The following GFRA1 variants were observed in gnomAD, a reference collection of about 807,000 sequenced individuals.
The protein encoded by GFRA1 is GDNF family receptor alpha 1.
Under a neutral mutation model 51.6 loss-of-function variants are expected in GFRA1, and 16 were observed. That is an observed-to-expected ratio of 0.31 (90% CI 0.21 to 0.47). The LOEUF is 0.47. Among genes scored for constraint, GFRA1 ranks in the 20% least tolerant of loss-of-function variants. The probability of loss-of-function intolerance (pLI) is 1.00; values close to 1 mark genes in which losing one functional copy is unlikely to be tolerated. For synonymous variants in GFRA1, 270 were observed against 241.3 expected (o/e 1.12, Z -1.10); for missense variants, 530 against 594.3 (o/e 0.89, Z 1.13).
intron 6 of GFRA1, among the ~76,000 whole-genome samples, chr10:116,115,875 A>G (rs1957392831): frequency 1.3e-5 from 2 of 152,100 alleles, no homozygotes; most frequent in African/African-American, 4.8e-5. Context: ...TGGTGGACAG[A>G]GCAGAAGGGT....
intron 9 of GFRA1, among the ~76,000 whole-genome samples, 193 bp from the exon 10 acceptor site, chr10:116,065,819 T>C (rs1955081543): frequency 2.6e-5 from 4 of 152,292 alleles, no homozygotes; most frequent in Admixed American, 2.6e-4. Flanking sequence ...TTTAATAATA[T>C]ATATTATTTA....
chr10:116,154,853 A>C (rs1011691790), intron 5 of GFRA1, among the ~76,000 whole-genome samples: 8 of 152,152 alleles, frequency 5.3e-5, no homozygotes, highest in African/African-American at 1.4e-4. Flanking sequence ...TGAGCCTTCC[A>C]GCTTTGAGGT....
At chr10:116,074,801 C>T (rs1955545755) in intron 9 of GFRA1, among the ~76,000 whole-genome samples, 1 of 152,206 alleles carries the variant, frequency 6.6e-6, no homozygotes, top group Non-Finnish European at 1.5e-5. Flanking sequence ...TTTGCTTCCA[C>T]ATAAGGGAGT....
intron 5 of GFRA1, among the ~76,000 whole-genome samples, chr10:116,137,207 T>C (rs1183255795): frequency 2.0e-5 from 3 of 152,152 alleles, no homozygotes; most frequent in African/African-American, 7.2e-5. Context: ...GGCCTCGGTA[T>C]GCATAGAGAG....
At chr10:116,090,893 T>C (rs1956306073) in intron 8 of GFRA1, among the ~76,000 whole-genome samples, 1 of 152,192 alleles carries the variant, frequency 6.6e-6, no homozygotes, top group African/African-American at 2.4e-5. Context: ...TGTTCTAAAA[T>C]TGTTATCCTT....
chr10:116,159,978 C>T (rs1432689519), intron 5 of GFRA1, among the ~76,000 whole-genome samples: 1 of 152,204 alleles, frequency 6.6e-6, no homozygotes, highest in Non-Finnish European at 1.5e-5. Context: ...TTTACCAAAA[C>T]AAAATCACGT....
At chr10:116,078,444 G>T (rs1467444919) in intron 9 of GFRA1, among the ~76,000 whole-genome samples, 1 of 152,150 alleles carries the variant, frequency 6.6e-6, no homozygotes, top group Non-Finnish European at 1.5e-5. Context: ...GCTGGGAGAA[G>T]CAGGTTCACC....
intron 5 of GFRA1, among the ~76,000 whole-genome samples, chr10:116,198,888 C>T (rs573269373): frequency 5.3e-5 from 8 of 152,268 alleles, no homozygotes; most frequent in Admixed American, 4.6e-4. Context: ...AGTTAAAATG[C>T]GGTCACGATG....
At chr10:116,126,310 C>T (rs1957873274) in intron 5 of GFRA1, among the ~76,000 whole-genome samples, 1 of 152,238 alleles carries the variant, frequency 6.6e-6, no homozygotes, top group Non-Finnish European at 1.5e-5. Context: ...AGAGCATATG[C>T]TGCCTTCTGC....
chr10:116,143,674 CT>C lies in GFRA1; in HGVS notation c.434-18118del, dbSNP rs1257633953. 4.1e-3 allele frequency among the ~76,000 whole-genome samples: 621 copies of C among 152,242 alleles called. 4 individuals are homozygous for C. Among genetic ancestry groups the C allele is most frequent in the Non-Finnish European group, 6.5e-3 (442 of 68,030 alleles). On this transcript the variant is annotated intron_variant, in intron 5 of 10. Coordinates refer to ENST00000355422, the MANE Select transcript of GFRA1 (RefSeq NM_005264.8). ...TCATTCATTCTCTCTCTCTCTCTCTCTCTCTCCCATGCAATGAACATGGCGA... is the reference window on the plus strand; with the variant it reads ...TCATTCATTCTCTCTCTCTCTCTCTCCTCTCCCATGCAATGAACATGGCGA...
chr10:116,094,333 A>G (rs1254708609), intron 7 of GFRA1, among the ~76,000 whole-genome samples: 1 of 152,158 alleles, frequency 6.6e-6, no homozygotes, highest in Admixed American at 6.5e-5. Flanking sequence ...GTGTATATAC[A>G]TATATATGGG....
chr10:116,072,682 A>C (rs553992418), intron 9 of GFRA1, among the ~76,000 whole-genome samples: 1 of 152,072 alleles, frequency 6.6e-6, no homozygotes, highest in East Asian at 1.9e-4. Context: ...AATTGCTTGA[A>C]CCCGGGAGGG....
chr10:116,166,779 T>C (rs1565622812), intron 5 of GFRA1, among the ~76,000 whole-genome samples: 1 of 114,536 alleles, frequency 8.7e-6, no homozygotes, highest in Non-Finnish European at 1.7e-5. Flanking sequence ...GCAACAATCT[T>C]CTTTTTTTTT....
chr10:116,252,096 G>C (rs1968426675), intron 4 of GFRA1, among the ~76,000 whole-genome samples: 1 of 150,234 alleles, frequency 6.7e-6, no homozygotes, highest in African/African-American at 2.4e-5. Flanking sequence ...TATTTGCCGG[G>C]CATTTCCAGC....
chr10:116,089,639 T>G, intron 9 of GFRA1, 102 bp downstream of exon 9: 1 of 975,620 alleles, frequency 1.0e-6, no homozygotes, highest in South Asian at 1.3e-5. Context: ...CGAGCAGCAT[T>G]CGTCATCTCT....
chr10:116,099,062 C>G (rs116723860), intron 6 of GFRA1, among the ~76,000 whole-genome samples: 88 of 152,250 alleles, frequency 5.8e-4, no homozygotes, highest in African/African-American at 2.0e-3. Flanking sequence ...TCACATTTGA[C>G]CACCTCCCCC....
At chr10:116,245,045 GAAT>G (rs2134657881) in intron 4 of GFRA1, among the ~76,000 whole-genome samples, 1 of 152,196 alleles carries the variant, frequency 6.6e-6, no homozygotes, top group East Asian at 1.9e-4. Context: ...GCTGGCAGTT[GAAT>G]AATATTGTAA....
chr10:116,090,739 A>T (rs1477110689), intron 8 of GFRA1, among the ~76,000 whole-genome samples: 1 of 150,946 alleles, frequency 6.6e-6, no homozygotes, highest in East Asian at 1.9e-4. Context: ...GTTTTTTTTT[A>T]TTTCATATTC....
intron 6 of GFRA1, 139 bp downstream of exon 6, chr10:116,125,082 G>C: frequency 1.3e-6 from 1 of 749,060 alleles, no homozygotes; most frequent in Non-Finnish European, 2.3e-6. Context: ...TCAGATTTTT[G>C]CCAATCCATT....
Sources: allele counts gnomAD v4.1 joint callset (sites outside exome capture counted in the v4.1 genomes callset), GRCh38; gene constraint gnomAD v4.1.1; transcripts MANE v1.5; gene names NCBI Gene and HGNC (gene_info 2026-07-23, HGNC 2026-07-21).